ELAVL4: variants seen among roughly 807,000 people sequenced by gnomAD.
ELAVL4 encodes ELAV-like protein 4.
Under a neutral mutation model 35.6 loss-of-function variants are expected in ELAVL4, and 1 was observed. That is an observed-to-expected ratio of 0.03 (90% confidence interval 0.01 to 0.13). The LOEUF (loss-of-function observed/expected upper bound fraction) is 0.13. ELAVL4 is among the 10% of genes least tolerant of loss of function. The pLI, the probability that ELAVL4 is intolerant of heterozygous loss-of-function variation, is 1.00. For synonymous variants in ELAVL4, 156 were observed against 171.0 expected, an observed-to-expected ratio of 0.91 and a Z score of 0.69; for missense variants, 267 against 464.9, an observed-to-expected ratio of 0.57 and a Z score of 3.91.
rs781716695 is a variant in ELAVL4, at chr1:50,055,273, TG to T, written c.18+7092del. Among the ~76,000 whole-genome samples, 52 of 150,566 alleles carry T rather than the reference TG, an allele frequency of 3.5e-4. No homozygotes were observed. The East Asian group carries it at 5.6e-3, about 16-fold the overall frequency. ...ACTTCAAAGCATGATCAATTTGTTT[TG>T]TTTTTTTTTTGTTTTGTTTTTGTTT... is the stretch of plus-strand genomic sequence containing the variant. On this transcript the variant is annotated intron_variant, in intron 1 of 6. Coordinates refer to the ELAVL4 transcript ENST00000448907.
At chr1:50,096,099 C>T (rs1192163646) in intron 1 of ELAVL4, among the ~76,000 whole-genome samples, 1 of 151,976 alleles carries the variant, frequency 6.6e-6, no homozygotes, top group Non-Finnish European at 1.5e-5. Context: ...CATATCTCAG[C>T]CTGCCATATG....
intron 1 of ELAVL4, chr1:50,110,044 T>G (rs1666799418): frequency 1.9e-6 from 3 of 1,550,438 alleles, no homozygotes; most frequent in Non-Finnish European, 2.7e-6. Flanking sequence ...TGTGTGTATG[T>G]GTAAGGATGC....
rs1418011385 is a variant in ELAVL4 at position 50,058,914 on chromosome 1, C to A, written c.18+10732C>A. On this transcript the variant is annotated intron_variant, in intron 1 of 6. Coordinates refer to the ELAVL4 transcript ENST00000448907. The stretch of plus-strand genomic sequence containing the variant: ...TTACCGCACCTGGCCCAGGATAATT[C>A]TTTTATTATAAGTGTTCTTGTTCCT... 2.0e-5 allele frequency among the ~76,000 whole-genome samples: 3 copies of A among 152,220 alleles called. 1 individual carries two copies. Among genetic ancestry groups the A allele is most frequent in the Middle Eastern group, 6.8e-3 (2 of 294 alleles).
intron 1 of ELAVL4, among the ~76,000 whole-genome samples, chr1:50,135,400 G>C (rs1237685897): frequency 6.6e-6 from 1 of 152,082 alleles, no homozygotes; most frequent in Non-Finnish European, 1.5e-5. Flanking sequence ...CGATTTATAT[G>C]CTTTTGCTGA....
chr1:50,109,017 C>CTT lies in ELAVL4; in HGVS notation c.-173_-172insTT. On this transcript the variant is annotated 5_prime_UTR_variant, in exon 1 of 7. Transcript: ENST00000371824. ...TCCTTTTCTTTTTTTTCTTTCTCTC[C>CTT]CCCGCCCACCCCCCCAAAAATAATT... 1.9e-6 allele frequency: 1 copy of CTT among 539,710 alleles called. No individual in the cohort carries two copies. Among genetic ancestry groups the CTT allele is most frequent in the Non-Finnish European group, 2.3e-6 (1 of 431,816 alleles). 33.4% of individuals were successfully genotyped at this position (539,710 alleles called of 1,614,324 possible). A position where few individuals can be genotyped will look rare whatever the true frequency, so the allele number is the denominator to read the frequency against.
At chr1:50,182,692 T>C (rs938508781) in intron 3 of ELAVL4, among the ~76,000 whole-genome samples, 4 of 152,198 alleles carry the variant, frequency 2.6e-5, no homozygotes, top group Non-Finnish European at 4.4e-5. Context: ...GGTAGGTTTT[T>C]GTCAGCCTTA....
chr1:50,063,427 T>C (rs1194089228), intron 1 of ELAVL4, among the ~76,000 whole-genome samples: 1 of 152,206 alleles, frequency 6.6e-6, no homozygotes, highest in East Asian at 1.9e-4. Context: ...ACCTTTCTCC[T>C]ATGCTACTGC....
At chr1:50,189,615 T>C (rs1361900589) in intron 3 of ELAVL4, among the ~76,000 whole-genome samples, 1 of 152,160 alleles carries the variant, frequency 6.6e-6, no homozygotes, top group Non-Finnish European at 1.5e-5. Context: ...TTTTTTTTGT[T>C]TGTTTTTTGG....
chr1:50,143,174 A>G (rs1278228974), intron 1 of ELAVL4, among the ~76,000 whole-genome samples: 1 of 152,212 alleles, frequency 6.6e-6, no homozygotes, highest in Non-Finnish European at 1.5e-5. Context: ...CTGAAAGGTA[A>G]TTACCCAGTT....
chr1:50,055,194 A>C (rs2148471442), intron 1 of ELAVL4, among the ~76,000 whole-genome samples: 1 of 152,350 alleles, frequency 6.6e-6, no homozygotes, highest in South Asian at 2.1e-4. Context: ...TGACTTGCCC[A>C]ATAATAGATA....
chr1:50,144,882 A>G (rs1673417293), intron 1 of ELAVL4, 75 bp from the exon 2 acceptor site: 1 of 1,572,286 alleles, frequency 6.4e-7, no homozygotes, highest in South Asian at 1.2e-5. Flanking sequence ...TTTCAAAAAA[A>G]TTAATAAACT....
chr1:50,094,600 T>C (rs1665635386), intron 1 of ELAVL4, among the ~76,000 whole-genome samples: 1 of 152,116 alleles, frequency 6.6e-6, no homozygotes, highest in African/African-American at 2.4e-5. Context: ...TTGTACTTCA[T>C]GTTTCTATAA....
intron 2 of ELAVL4, among the ~76,000 whole-genome samples, chr1:50,173,519 T>C (rs1342370617): frequency 6.6e-6 from 1 of 152,228 alleles, no homozygotes; most frequent in African/African-American, 2.4e-5. Context: ...CATTCACACA[T>C]GCCTGCTGGA....
intron 1 of ELAVL4, among the ~76,000 whole-genome samples, chr1:50,059,256 C>T (rs1475572629): frequency 6.6e-6 from 1 of 152,150 alleles, no homozygotes; most frequent in Admixed American, 6.5e-5. Context: ...AAATACTACA[C>T]TAAAACTTAG....
intron 1 of ELAVL4, among the ~76,000 whole-genome samples, chr1:50,059,984 G>C (rs1663874509): frequency 6.6e-6 from 1 of 152,144 alleles, no homozygotes; most frequent in South Asian, 2.1e-4. Flanking sequence ...AATGAATAAG[G>C]GGGAATAATG....
chr1:50,051,684 G>A (rs1456523309), intron 1 of ELAVL4, among the ~76,000 whole-genome samples: 1 of 152,046 alleles, frequency 6.6e-6, no homozygotes, highest in Non-Finnish European at 1.5e-5. Context: ...CATAAATGAG[G>A]CATCTATCAA....
intron 1 of ELAVL4, among the ~76,000 whole-genome samples, chr1:50,091,796 C>T (rs1051271164): frequency 5.3e-5 from 8 of 152,176 alleles, no homozygotes; most frequent in Non-Finnish European, 1.0e-4. Flanking sequence ...ATGTTAAAAT[C>T]CCCAGCCATT....
chr1:50,174,807 A>G (rs1276912319), intron 2 of ELAVL4: 2 of 152,192 alleles, frequency 1.3e-5, no homozygotes, highest in African/African-American at 2.4e-5. Flanking sequence ...ATTTTCATCA[A>G]TATATGAGTA....
chr1:50,186,256 G>A (rs1029121562), intron 3 of ELAVL4, among the ~76,000 whole-genome samples: 11 of 152,238 alleles, frequency 7.2e-5, no homozygotes, highest in Admixed American at 5.2e-4. Flanking sequence ...TAAAATCCGC[G>A]GCATAAAGTA....
Sources: gnomAD v4.1 joint callset for allele counts (sites outside exome capture counted in the v4.1 genomes callset) on GRCh38, gnomAD v4.1.1 for gene constraint, MANE v1.5 for transcripts, NCBI Gene and HGNC (gene_info 2026-07-23, HGNC 2026-07-21) for gene names.